Variants in WWOX observed in about 807,000 individuals in gnomAD.
The protein encoded by WWOX is WW domain-containing oxidoreductase.
Under a neutral mutation model 46.2 loss-of-function variants are expected in WWOX, and 69 were observed. That is an observed-to-expected ratio of 1.49 (90% CI 1.23 to 1.82). WWOX has a LOEUF of 1.82. Ranked by LOEUF, WWOX falls within the 40% of genes most tolerant of loss-of-function variation. The pLI is 0.00. For missense variants in WWOX, 919 were observed against 542.6 expected (o/e 1.69, Z -6.89); for synonymous variants, 359 against 202.6 (o/e 1.77, Z -6.56).
intron 8 of WWOX, among the ~76,000 whole-genome samples, chr16:79,112,158 G>T (rs1049522571): frequency 6.6e-6 from 1 of 152,038 alleles, no homozygotes; most frequent in African/African-American, 2.4e-5. Context: ...AAGCTAGGGG[G>T]TCTCATCTTT....
chr16:78,624,180 C>T (rs977646764), intron 8 of WWOX, among the ~76,000 whole-genome samples: 3 of 150,406 alleles, frequency 2.0e-5, no homozygotes, highest in Middle Eastern at 6.8e-3. Context: ...TTTCTGAAAC[C>T]TTGTTTTATT....
At chr16:78,545,838 C>T (rs978732234) in intron 8 of WWOX, among the ~76,000 whole-genome samples, 11 of 152,232 alleles carry the variant, frequency 7.2e-5, no homozygotes, top group East Asian at 5.8e-4. Flanking sequence ...CGTGGCCTTC[C>T]GTCTGTTTCT....
At chr16:79,029,417 CAT>C (rs778590845) in intron 8 of WWOX, among the ~76,000 whole-genome samples, 48 of 152,206 alleles carry the variant, frequency 3.2e-4, no homozygotes, top group Non-Finnish European at 5.3e-4. Context: ...ATTGTCAAAA[CAT>C]GTGTGCACCA....
At position 78,653,403 on chromosome 16, in the gene WWOX, C is replaced by G. The variant is rs566118953; in HGVS notation, c.1056+220651C>G. Among the ~76,000 whole-genome samples, 3 of 152,304 alleles carry G rather than the reference C, an allele frequency of 2.0e-5. No individual in the cohort carries two copies. In the South Asian group the frequency reaches 6.2e-4, roughly 32 times the overall value. On this transcript the variant is annotated intron_variant, in intron 8 of 8. Coordinates refer to ENST00000566780, the MANE Select transcript of WWOX (RefSeq NM_016373.4). ...GTAATAATAGATGACTCCCCAAAAT[C>G]CTTTTGCCTCTAATGATTAGTCTAA...
intron 8 of WWOX, among the ~76,000 whole-genome samples, chr16:78,561,194 GC>G (rs1038173785): frequency 1.8e-4 from 28 of 152,142 alleles, no homozygotes; most frequent in Admixed American, 2.6e-4. Flanking sequence ...TTGACTTTTG[GC>G]CCCCTGCATC....
At chr16:78,436,494 C>G (rs2083338545) in intron 8 of WWOX, among the ~76,000 whole-genome samples, 1 of 152,156 alleles carries the variant, frequency 6.6e-6, no homozygotes, top group East Asian at 1.9e-4. Flanking sequence ...GAATATGTAG[C>G]TAAGAGTCTT....
intron 5 of WWOX, among the ~76,000 whole-genome samples, chr16:78,176,183 C>T (rs1019972516): frequency 6.6e-5 from 10 of 152,162 alleles, no homozygotes; most frequent in African/African-American, 2.4e-4. Context: ...GCTGCATTCT[C>T]ATCAGAACCC....
At chr16:78,475,834 ATC>A (rs1352608269) in intron 8 of WWOX, among the ~76,000 whole-genome samples, 4 of 152,168 alleles carry the variant, frequency 2.6e-5, no homozygotes, top group Non-Finnish European at 4.4e-5. Flanking sequence ...AATTCAAATG[ATC>A]TGCCCACCTC....
intron 8 of WWOX, among the ~76,000 whole-genome samples, chr16:78,444,921 G>T (rs536625257): frequency 6.6e-6 from 1 of 152,314 alleles, no homozygotes; most frequent in African/African-American, 2.4e-5. Flanking sequence ...TGTTGGAAGT[G>T]ATGGGGTTGT....
At chr16:78,668,454 T>C (rs989360358) in intron 8 of WWOX, among the ~76,000 whole-genome samples, 11 of 152,214 alleles carry the variant, frequency 7.2e-5, no homozygotes, top group Admixed American at 6.5e-4. Context: ...CTTTCCTTTG[T>C]ATATCCACTC....
chr16:78,738,836 TAGG>T, intron 8 of WWOX, among the ~76,000 whole-genome samples: 1 of 152,152 alleles, frequency 6.6e-6, no homozygotes, highest in African/African-American at 2.4e-5. Flanking sequence ...TATTAAGAGG[TAGG>T]AGGTAGATAG....
intron 8 of WWOX, among the ~76,000 whole-genome samples, chr16:78,916,686 C>T (rs895830246): frequency 6.6e-6 from 1 of 152,164 alleles, no homozygotes; most frequent in African/African-American, 2.4e-5. Flanking sequence ...GGCACAATAT[C>T]TCAGACTTGA....
At chr16:79,115,928 C>A (rs1597388941) in intron 8 of WWOX, among the ~76,000 whole-genome samples, 1 of 152,258 alleles carries the variant, frequency 6.6e-6, no homozygotes, top group East Asian at 1.9e-4. Context: ...AGAGATATTG[C>A]AGATCCCGTT....
intron 8 of WWOX, among the ~76,000 whole-genome samples, chr16:78,638,834 C>G (rs1162672033): frequency 1.3e-5 from 2 of 152,176 alleles, no homozygotes; most frequent in East Asian, 3.9e-4. Context: ...AGTTGTAGCT[C>G]CTGTGAAGAT....
At chr16:79,129,348 C>T (rs1263948798) in intron 8 of WWOX, among the ~76,000 whole-genome samples, 1 of 149,350 alleles carries the variant, frequency 6.7e-6, no homozygotes, top group Non-Finnish European at 1.5e-5. Flanking sequence ...CATAGTCACA[C>T]ACCTCTCAGT....
intron 8 of WWOX, among the ~76,000 whole-genome samples, chr16:79,090,492 C>G (rs554940785): frequency 1.3e-5 from 2 of 152,194 alleles, no homozygotes; most frequent in South Asian, 4.1e-4. Flanking sequence ...TTTCATTCTA[C>G]TTGGGGAAAG....
chr16:78,350,501 C>T (rs2151905700), intron 5 of WWOX, among the ~76,000 whole-genome samples: 1 of 121,330 alleles, frequency 8.2e-6, no homozygotes, highest in African/African-American at 2.8e-5. Context: ...CATCTACTTT[C>T]TGTCTCTATA....
rs774591528 is a variant in WWOX, at chr16:78,941,147, G to A, written c.1057-270461G>A. On this transcript the variant is annotated intron_variant, in intron 8 of 8. Transcript: ENST00000566780. ...GTTCTTGCAGTTAGATTAACAAGCAGATATACTGAACTGGTGCATGAATGA... is the reference window on the plus strand; with the variant it reads ...GTTCTTGCAGTTAGATTAACAAGCAAATATACTGAACTGGTGCATGAATGA... Among the ~76,000 whole-genome samples, 5 of 152,104 alleles carry A rather than the reference G, an allele frequency of 3.3e-5. No individual in the cohort carries two copies. In the East Asian group the frequency reaches 9.6e-4, roughly 29 times the overall value.
chr16:78,280,502 A>G (rs1281892461), intron 5 of WWOX, among the ~76,000 whole-genome samples: 1 of 152,198 alleles, frequency 6.6e-6, no homozygotes, highest in African/African-American at 2.4e-5. Context: ...TGGGTAATTT[A>G]TAAGAAAAGA....
Sources: gnomAD v4.1 joint callset for allele counts (sites outside exome capture counted in the v4.1 genomes callset) on GRCh38, gnomAD v4.1.1 for gene constraint, MANE v1.5 for transcripts, NCBI Gene and HGNC (gene_info 2026-07-23, HGNC 2026-07-21) for gene names.